Variants in LMBR1 observed in about 807,000 individuals in gnomAD.
LMBR1 encodes limb development membrane protein 1.
A neutral mutation model predicts 73.9 loss-of-function variants in LMBR1; 52 were observed. That is an observed-to-expected ratio of 0.70 (90% CI 0.56 to 0.89). The LOEUF is 0.89. Among genes scored for constraint, LMBR1 ranks in the 40% least tolerant of loss-of-function variants. The probability of loss-of-function intolerance (pLI) is 0.00; values close to 1 mark genes in which losing one functional copy is unlikely to be tolerated. For synonymous variants in LMBR1, 215 were observed against 209.4 expected, an observed-to-expected ratio of 1.03 and a Z score of -0.23; for missense variants, 539 against 579.8, an observed-to-expected ratio of 0.93 and a Z score of 0.72.
At chr7:156,826,438 T>C (rs926729389) in intron 4 of LMBR1, among the ~76,000 whole-genome samples, 167 bp downstream of exon 4, 2 of 152,140 alleles carry the variant, frequency 1.3e-5, no homozygotes, top group African/African-American at 2.4e-5. Flanking sequence ...TAATTAAACA[T>C]AGAAATGATA....
intron 15 of LMBR1, among the ~76,000 whole-genome samples, chr7:156,691,202 T>C (rs999362411): frequency 2.6e-5 from 4 of 152,218 alleles, no homozygotes; most frequent in African/African-American, 7.2e-5. Context: ...AGTATCTAAA[T>C]GCTTATGTCC....
At chr7:156,776,720 C>T (rs1826201829) in intron 5 of LMBR1, among the ~76,000 whole-genome samples, 2 of 152,124 alleles carry the variant, frequency 1.3e-5, no homozygotes, top group African/African-American at 4.8e-5. Context: ...CCAGTATCAA[C>T]AATATTCTGG....
chr7:156,888,182 G>A (rs189319859), intron 1 of LMBR1, among the ~76,000 whole-genome samples: 117 of 151,846 alleles, frequency 7.7e-4, no homozygotes, highest in Admixed American at 5.6e-3. Context: ...AGGCTGAGGC[G>A]GGCGAATCAC....
rs767080458 is a variant in LMBR1 at position 156,728,706 on chromosome 7, C to A, written c.853G>T (p.Ala285Ser). ...LKTKLERRKKASAWERNLVYP... is the reference protein window; with the variant it reads ...LKTKLERRKKSSAWERNLVYP... ...ACCAAATTTCTTTCCCATGCTGAAG[C>A]CTTTTTTCGCCTCTCTATTAAAAGG... Residue 285 changes from alanine (A) to serine (S), a missense_variant, in exon 11 of 17, where the codon GCT becomes TCT. Physicochemically the swap from Ala to Ser is moderately conservative, Grantham distance 99. This residue lies in a region of LMBR1 where 454 missense variants were observed against 473.4 expected (regional missense o/e 0.96). Coordinates refer to ENST00000353442, the MANE Select transcript of LMBR1 (RefSeq NM_022458.4). 19 of 1,600,332 alleles carry A rather than the reference C, an allele frequency of 1.2e-5. No homozygotes were observed. The highest frequency in any genetic ancestry group is 5.7e-5 in the South Asian group (5 of 87,342).
chr7:156,819,769 A>T (rs1834464270), intron 4 of LMBR1, among the ~76,000 whole-genome samples: 1 of 152,148 alleles, frequency 6.6e-6, no homozygotes, highest in Admixed American at 6.5e-5. Context: ...GAGGTCAGGT[A>T]ATCAGTGGAA....
intron 5 of LMBR1, among the ~76,000 whole-genome samples, chr7:156,770,426 C>T (rs1335534163): frequency 6.6e-6 from 1 of 152,026 alleles, no homozygotes; most frequent in Admixed American, 6.5e-5. Context: ...TTAAAATACA[C>T]TAATGCAATC....
chr7:156,720,261 A>G (rs1305825704), intron 15 of LMBR1, among the ~76,000 whole-genome samples: 1 of 152,210 alleles, frequency 6.6e-6, no homozygotes, highest in African/African-American at 2.4e-5. Context: ...ATTTACAAGA[A>G]AAAAACAAAT....
chr7:156,792,034 A>G (rs1316556517), intron 5 of LMBR1, among the ~76,000 whole-genome samples: 4 of 152,116 alleles, frequency 2.6e-5, no homozygotes, highest in Non-Finnish European at 5.9e-5. Context: ...AGATGTTAAG[A>G]TATAATATAA....
intron 3 of LMBR1, among the ~76,000 whole-genome samples, chr7:156,829,100 G>A (rs1169122672): frequency 2.6e-5 from 4 of 152,198 alleles, no homozygotes; most frequent in Admixed American, 2.0e-4. Context: ...CAGCCAACGG[G>A]GAAAGCATAC....
intron 1 of LMBR1, among the ~76,000 whole-genome samples, chr7:156,891,389 G>T (rs531666077): frequency 1.3e-5 from 2 of 151,120 alleles, no homozygotes; most frequent in African/African-American, 4.9e-5. Context: ...CACCGAGAAT[G>T]AATTATAACC....
downstream of LMBR1, chr7:156,676,769 T>C (rs1804136261): frequency 2.7e-6 from 2 of 748,922 alleles, no homozygotes; most frequent in Non-Finnish European, 4.5e-6. Flanking sequence ...CCCAGGGAAA[T>C]AAGCTATTGG....
chr7:156,871,201 A>C lies in LMBR1; in HGVS notation c.66+21727T>G, dbSNP rs1014410814. ...CTGGATAATCTAGAAGAAATGAATA[A>C]ATTCCTAGAAACATAACACCCTACC... On this transcript the variant is annotated intron_variant, in intron 1 of 16. Transcript: ENST00000353442. Among the ~76,000 whole-genome samples the C allele has an allele frequency of 1.9e-4, 29 of 152,304 alleles. 1 individual carries two copies. Among genetic ancestry groups the C allele is most frequent in the African/African-American group, 6.3e-4 (26 of 41,580 alleles).
chr7:156,675,031 C>T (rs889142692), downstream of LMBR1, among the ~76,000 whole-genome samples: 11 of 152,114 alleles, frequency 7.2e-5, no homozygotes, highest in African/African-American at 2.2e-4. Context: ...TTAAGCTTAA[C>T]GAGAAAATTA....
rs1563389864 is a variant in LMBR1 at position 156,799,599 on chromosome 7, C to T, written c.320-3107G>A. Among the ~76,000 whole-genome samples the T allele has an allele frequency of 2.0e-5, 3 of 152,114 alleles. No homozygotes were observed. The South Asian group carries it at 6.2e-4, about 32-fold the overall frequency. ...CCTAGGGCCTCCCCATTCCCTGAGA[C>T]ACAACGATATTGAAAGTAGGCCATG... On this transcript the variant is annotated intron_variant, in intron 4 of 16. Coordinates refer to ENST00000353442, the MANE Select transcript of LMBR1 (RefSeq NM_022458.4).
chr7:156,803,507 T>C (rs1831398040), intron 4 of LMBR1, among the ~76,000 whole-genome samples: 1 of 152,146 alleles, frequency 6.6e-6, no homozygotes, highest in Non-Finnish European at 1.5e-5. Flanking sequence ...AAACAACAGG[T>C]GCTGGAGAGG....
intron 14 of LMBR1, 43 bp downstream of exon 14, chr7:156,725,392 G>T: frequency 8.6e-7 from 1 of 1,159,174 alleles, no homozygotes; most frequent in Non-Finnish European, 1.3e-6. Flanking sequence ...GTCTGTCAGG[G>T]AAGGCAAACG....
chr7:156,692,427 A>G (rs1203802597), intron 15 of LMBR1, among the ~76,000 whole-genome samples: 1 of 152,222 alleles, frequency 6.6e-6, no homozygotes, highest in Non-Finnish European at 1.5e-5. Context: ...TCATGAAATT[A>G]TATCAATTGG....
intron 9 of LMBR1, among the ~76,000 whole-genome samples, chr7:156,749,999 G>A (rs1820548409): frequency 6.6e-6 from 1 of 151,980 alleles, no homozygotes; most frequent in South Asian, 2.1e-4. Context: ...GAATCAAGCA[G>A]GAAAGTAACT....
chr7:156,706,279 T>C (rs917451179), intron 15 of LMBR1, among the ~76,000 whole-genome samples: 2 of 151,158 alleles, frequency 1.3e-5, no homozygotes, highest in African/African-American at 4.9e-5. Context: ...ATAAAACAAA[T>C]ATTACTACAG....
Sources: allele counts gnomAD v4.1 joint callset (sites outside exome capture counted in the v4.1 genomes callset), GRCh38; gene constraint gnomAD v4.1.1; regional missense constraint gnomAD v4.1.1; transcripts MANE v1.5; gene names NCBI Gene and HGNC (gene_info 2026-07-23, HGNC 2026-07-21).